The following ADGRV1 variants were observed in gnomAD, a reference collection of about 807,000 sequenced individuals.
The protein encoded by ADGRV1 is adhesion G protein-coupled receptor V1.
ADGRV1 carries 359 observed loss-of-function variants against 596.2 expected under a neutral mutation model. The ratio of observed to expected loss-of-function variants is 0.60; its 90% CI spans 0.55 to 0.66. ADGRV1 has a LOEUF of 0.66. Ranked by LOEUF, ADGRV1 falls within the 30% of genes least tolerant of loss-of-function variation. The pLI, the probability that ADGRV1 is intolerant of heterozygous loss-of-function variation, is 0.00. For missense variants in ADGRV1, 7,274 were observed against 7,575.6 expected (o/e 0.96, Z 1.48); for synonymous variants, 2,681 against 2,679.2 (o/e 1.00, Z -0.02).
At position 91,031,320 on chromosome 5, in the gene ADGRV1, T is replaced by C. The variant is rs534189828; in HGVS notation, c.18153-41127T>C. 1.5e-5 allele frequency: 20 copies of C among 1,371,296 alleles called. No homozygotes were observed. In the Admixed American group the frequency reaches 1.7e-4, roughly 12 times the overall value. The allele number at this position is 1,371,296 out of a possible 1,614,324, so 84.9% of individuals were successfully genotyped here. A position where few individuals can be genotyped will look rare whatever the true frequency, so the allele number is the denominator to read the frequency against. On this transcript the variant is annotated intron_variant, in intron 85 of 89. Coordinates refer to ENST00000405460, the MANE Select transcript of ADGRV1 (RefSeq NM_032119.4). ...CAAACATAGTAAAATGCTGCTGCAC[T>C]TGCTAACAGATACAATCCCACTCCA...
At chr5:90,645,795 TG>T (rs1197095473) in intron 15 of ADGRV1, among the ~76,000 whole-genome samples, 172 bp from the exon 16 acceptor site, 2 of 151,988 alleles carry the variant, frequency 1.3e-5, no homozygotes, top group East Asian at 1.9e-4. Context: ...AACTAATTTT[TG>T]GGGGGGTCTG....
chr5:91,076,784 A>G (rs1374484811), intron 86 of ADGRV1, among the ~76,000 whole-genome samples: 2 of 152,164 alleles, frequency 1.3e-5, no homozygotes, highest in African/African-American at 2.4e-5. Context: ...TCAACATACT[A>G]TAACTCACCT....
At position 90,647,488 on chromosome 5, in the gene ADGRV1, G is replaced by A; in HGVS notation, c.3023-10G>A. On this transcript the variant is annotated splice_polypyrimidine_tract_variant and intron_variant, in intron 16 of 89. Coordinates refer to ENST00000405460, the MANE Select transcript of ADGRV1 (RefSeq NM_032119.4). ...AAAGCTCATGTGTTCTTTCTTTGTGGATATTTCAGAACCTCGTGTAGTGAG... is the reference window on the plus strand; with the variant it reads ...AAAGCTCATGTGTTCTTTCTTTGTGAATATTTCAGAACCTCGTGTAGTGAG... 2 of 1,595,936 alleles carry A rather than the reference G, an allele frequency of 1.3e-6. No homozygotes were observed. The highest frequency in any genetic ancestry group is 1.7e-6 in the Non-Finnish European group (2 of 1,171,488).
intron 85 of ADGRV1, among the ~76,000 whole-genome samples, chr5:91,028,179 C>A (rs1283978608): frequency 6.6e-6 from 1 of 151,800 alleles, no homozygotes; most frequent in Non-Finnish European, 1.5e-5. Context: ...CCTTTGGGGT[C>A]GTCTGAGTCA....
intron 11 of ADGRV1, 41 bp from the exon 12 acceptor site, chr5:90,642,595 C>T: frequency 6.3e-7 from 1 of 1,597,458 alleles, no homozygotes; most frequent in South Asian, 1.1e-5. Context: ...AGAAGTAAAA[C>T]TGGAAGTAGC....
intron 34 of ADGRV1, among the ~76,000 whole-genome samples, chr5:90,699,493 G>T (rs1327759400): frequency 5.3e-5 from 8 of 152,166 alleles, no homozygotes; most frequent in Non-Finnish European, 1.2e-4. Context: ...ATCAGGAAAG[G>T]ATAGACGAGA....
chr5:90,822,521 GGTTACTGTA>G (rs1338907895), intron 75 of ADGRV1, among the ~76,000 whole-genome samples: 2 of 152,072 alleles, frequency 1.3e-5, no homozygotes, highest in Non-Finnish European at 2.9e-5. Flanking sequence ...ATGCTGTTTT[GGTTACTGTA>G]GCCTTGTAGT....
intron 76 of ADGRV1, among the ~76,000 whole-genome samples, 185 bp downstream of exon 76, chr5:90,823,781 T>A (rs1430177199): frequency 6.6e-6 from 1 of 152,240 alleles, no homozygotes; most frequent in Non-Finnish European, 1.5e-5. Flanking sequence ...CATTATGGTA[T>A]TTTGTAAATA....
In ADGRV1 at chr5:90,706,404, T is replaced by TC. The variant is rs377585302; in HGVS notation, c.8730+10_8730+11insC. The TC allele has an allele frequency of 5.8e-3, 4,094 of 701,856 alleles. 82 individuals carry two copies. In the Admixed American group the frequency reaches 0.16, roughly 27 times the overall value. The allele number at this position is 701,856 out of a possible 1,614,324, so 43.5% of individuals were successfully genotyped here. A position where few individuals can be genotyped will look rare whatever the true frequency, so the allele number is the denominator to read the frequency against. Reference sequence around the variant, plus strand: ...CATTACCATTCTTGAGGTAAAACTCTTTTTTTTTTTTAATCTTAGGGGGAG... The same window carrying TC: ...CATTACCATTCTTGAGGTAAAACTCTCTTTTTTTTTTTAATCTTAGGGGGAG... On this transcript the variant is annotated intron_variant, in intron 38 of 89. Coordinates refer to ENST00000405460, the MANE Select transcript of ADGRV1 (RefSeq NM_032119.4).
intron 31 of ADGRV1, among the ~76,000 whole-genome samples, chr5:90,691,597 C>T (rs577971454): frequency 6.6e-6 from 1 of 151,966 alleles, no homozygotes; most frequent in African/African-American, 2.4e-5. Flanking sequence ...GTTGGCTAGG[C>T]TGGTCTCGAA....
intron 83 of ADGRV1, among the ~76,000 whole-genome samples, chr5:90,929,878 TG>T (rs1775054586): frequency 6.6e-6 from 1 of 152,208 alleles, no homozygotes; most frequent in South Asian, 2.1e-4. Flanking sequence ...GGAAAGTAAA[TG>T]ACTGTATCCT....
At chr5:91,162,970 A>G (rs2126972207) in intron 89 of ADGRV1, among the ~76,000 whole-genome samples, 1 of 152,168 alleles carries the variant, frequency 6.6e-6, no homozygotes, top group Middle Eastern at 3.4e-3. Context: ...CCACATCCCC[A>G]TTGTGTGTGT....
rs1486844039 is a variant in ADGRV1 at position 90,595,427 on chromosome 5, G to A, written c.23-19408G>A. On this transcript the variant is annotated intron_variant, in intron 1 of 89. Transcript: ENST00000405460. ...TCCCTCCCGGACTGGGCGGCTGGCC[G>A]GGCGGGGGGCTGACCCCCCCACCTC... Among the ~76,000 whole-genome samples the A allele has an allele frequency of 9.1e-5, 3 of 33,096 alleles. No individual in the cohort carries two copies. In the South Asian group the frequency reaches 4.7e-3, roughly 51 times the overall value. The allele number at this position is 33,096 out of a possible 152,430, so 21.7% of individuals were successfully genotyped here.
intron 52 of ADGRV1, among the ~76,000 whole-genome samples, chr5:90,747,616 A>T (rs574180726): frequency 8.5e-5 from 13 of 152,242 alleles, no homozygotes; most frequent in Admixed American, 4.6e-4. Flanking sequence ...GAAGCATACT[A>T]GGGACTCAGT....
At chr5:91,096,623 A>AT (rs1012806132) in intron 86 of ADGRV1, among the ~76,000 whole-genome samples, 9 of 151,466 alleles carry the variant, frequency 5.9e-5, no homozygotes, top group African/African-American at 1.5e-4. Context: ...TGATGATTTG[A>AT]TTTTTTTTTC....
chr5:90,848,860 ATT>A, intron 79 of ADGRV1, 39 bp downstream of exon 79: 1 of 1,425,286 alleles, frequency 7.0e-7, no homozygotes, highest in Non-Finnish European at 9.5e-7. Context: ...CCTTTTATGC[ATT>A]TTTTTCACTG....
chr5:90,944,036 T>A (rs925848568), intron 83 of ADGRV1, among the ~76,000 whole-genome samples: 2 of 152,204 alleles, frequency 1.3e-5, no homozygotes, highest in African/African-American at 2.4e-5. Context: ...TAGTTATATA[T>A]TAATTTGTTG....
chr5:90,595,808 C>G (rs1254139016), intron 1 of ADGRV1, among the ~76,000 whole-genome samples: 1 of 144,598 alleles, frequency 6.9e-6, no homozygotes, highest in Admixed American at 6.8e-5. Context: ...CCACCTCCCT[C>G]CCGGACGGGG....
chr5:90,927,842 C>G (rs540050171), intron 83 of ADGRV1, among the ~76,000 whole-genome samples: 7 of 152,064 alleles, frequency 4.6e-5, no homozygotes, highest in Admixed American at 4.6e-4. Context: ...GATAAAATCT[C>G]TCAGCATTTG....
Sources: allele counts gnomAD v4.1 joint callset (sites outside exome capture counted in the v4.1 genomes callset), GRCh38; gene constraint gnomAD v4.1.1; transcripts MANE v1.5; gene names NCBI Gene and HGNC (gene_info 2026-07-23, HGNC 2026-07-21).